SPECC1: variants seen among roughly 807,000 people sequenced by gnomAD.
SPECC1 encodes sperm antigen with calponin homology and coiled-coil domains 1.
SPECC1 carries 62 observed loss-of-function variants against 104.1 expected under a neutral mutation model. That is an observed-to-expected ratio of 0.60 (90% confidence interval 0.49 to 0.74). SPECC1 has a LOEUF of 0.74. SPECC1 is among the 30% of genes least tolerant of loss of function. The pLI is 0.00. For missense variants in SPECC1, 1,306 were observed against 1,310.5 expected (o/e 1.00, Z 0.05); for synonymous variants, 513 against 501.6 (o/e 1.02, Z -0.30).
At chr17:20,295,506 G>C (rs1019771017) in intron 12 of SPECC1, among the ~76,000 whole-genome samples, 1 of 152,100 alleles carries the variant, frequency 6.6e-6, no homozygotes, top group Admixed American at 6.6e-5. Flanking sequence ...TTATAGCAGC[G>C]TGATTTATAA....
chr17:20,313,993 G>A lies in SPECC1; in HGVS notation c.3135G>A (p.Leu1045=), dbSNP rs374356375. 2.5e-6 allele frequency: 4 copies of A among 1,614,068 alleles called. No homozygotes were observed. Among genetic ancestry groups the A allele is most frequent in the East Asian group, 4.5e-5 (2 of 44,892 alleles). ...CCCTGCAGGAACTCAGCGAGATGCT[G>A]TACACAGACCGGCCCGACTGGCAGA... is the stretch of plus-strand genomic sequence containing the variant. The part of the protein sequence containing the change: ...IKPSLELSEM[L]YTDRPDWQSV... Residue 1045 remains leucine (L), a synonymous_variant, in exon 15 of 15, where the codon CTG becomes CTA. Transcript: ENST00000395527.
At chr17:20,258,886 G>C (rs2039928745) in intron 11 of SPECC1, among the ~76,000 whole-genome samples, 1 of 152,186 alleles carries the variant, frequency 6.6e-6, no homozygotes. Flanking sequence ...GTGGAACACT[G>C]TTGCACAGTA....
At chr17:20,066,368 G>C (rs558270924) in intron 1 of SPECC1, among the ~76,000 whole-genome samples, 1 of 152,188 alleles carries the variant, frequency 6.6e-6, no homozygotes, top group East Asian at 1.9e-4. Context: ...TTTGATTTTT[G>C]GCTAGCATTT....
At chr17:20,046,548 T>G (rs1042834856) in intron 1 of SPECC1, among the ~76,000 whole-genome samples, 1 of 152,180 alleles carries the variant, frequency 6.6e-6, no homozygotes, top group Admixed American at 6.5e-5. Context: ...AACAATGTAA[T>G]AAATGAGTAA....
intron 9 of SPECC1, among the ~76,000 whole-genome samples, chr17:20,247,660 T>TA (rs1319101143): frequency 1.3e-5 from 2 of 152,236 alleles, no homozygotes; most frequent in African/African-American, 2.4e-5. Flanking sequence ...ATTCTTTTTA[T>TA]AAAAGATTAC....
chr17:20,203,805 G>A (rs1184334726), intron 3 of SPECC1, among the ~76,000 whole-genome samples: 1 of 152,204 alleles, frequency 6.6e-6, no homozygotes, highest in Admixed American at 6.5e-5. Flanking sequence ...GTGACTTATA[G>A]GAAGGGTATT....
intron 12 of SPECC1, among the ~76,000 whole-genome samples, chr17:20,293,529 G>C (rs2041241910): frequency 6.6e-6 from 1 of 152,240 alleles, no homozygotes; most frequent in African/African-American, 2.4e-5. Flanking sequence ...ACAGTGGTCA[G>C]TGTCCACCCT....
intron 1 of SPECC1, among the ~76,000 whole-genome samples, chr17:20,021,682 TAA>T (rs2044384280): frequency 7.2e-6 from 1 of 138,734 alleles, no homozygotes; most frequent in African/African-American, 2.7e-5. Context: ...TATAATATAA[TAA>T]TATATATATA....
chr17:20,309,951 G>A (rs2041883807), intron 14 of SPECC1, among the ~76,000 whole-genome samples: 1 of 151,564 alleles, frequency 6.6e-6, no homozygotes, highest in Admixed American at 6.6e-5. Flanking sequence ...CTGAGTAGCT[G>A]GGATTATAGG....
At chr17:20,018,959 A>G (rs2044260742) in intron 1 of SPECC1, among the ~76,000 whole-genome samples, 1 of 152,180 alleles carries the variant, frequency 6.6e-6, no homozygotes, top group Non-Finnish European at 1.5e-5. Context: ...TTCAGCATAA[A>G]CCACACAATA....
chr17:20,090,054 G>T lies in SPECC1; in HGVS notation c.-21-6577G>T, dbSNP rs540567429. Reference sequence around the variant, plus strand: ...CCAACAAGGAGAGGCATACGTATGAGACCGTCTCAGACTAGGAGAAGATTT... The same window carrying T: ...CCAACAAGGAGAGGCATACGTATGATACCGTCTCAGACTAGGAGAAGATTT... On this transcript the variant is annotated intron_variant, in intron 1 of 14. Transcript: ENST00000395527. 2.2e-4 allele frequency among the ~76,000 whole-genome samples: 33 copies of T among 152,344 alleles called. No homozygotes were observed. In the South Asian group the frequency reaches 2.3e-3, roughly 11 times the overall value.
At chr17:20,226,981 G>C (rs149547992) in intron 4 of SPECC1, among the ~76,000 whole-genome samples, 316 of 152,222 alleles carry the variant, frequency 2.1e-3, no homozygotes, top group Middle Eastern at 0.01. Context: ...ACACCAGGCA[G>C]CTCTCTTGGT....
At position 20,232,185 on chromosome 17, in the gene SPECC1, C is replaced by G; in HGVS notation, c.2146-15C>G. On this transcript the variant is annotated splice_polypyrimidine_tract_variant and intron_variant, in intron 6 of 14. Transcript: ENST00000395527. ...GGCAGGCGTCTGACATAAGGATGGG[C>G]TCTGACATTTTCAGGAGGAGACCGA... 2 of 1,613,538 alleles carry G rather than the reference C, an allele frequency of 1.2e-6. No individual in the cohort carries two copies. Among genetic ancestry groups the G allele is most frequent in the Non-Finnish European group, 1.7e-6 (2 of 1,179,968 alleles).
intron 12 of SPECC1, among the ~76,000 whole-genome samples, chr17:20,273,564 C>T (rs1229091624): frequency 1.3e-5 from 2 of 152,066 alleles, no homozygotes; most frequent in Non-Finnish European, 2.9e-5. Context: ...ATCACTCATG[C>T]CTCCACTGCT....
intron 3 of SPECC1, among the ~76,000 whole-genome samples, chr17:20,170,722 T>G (rs2034023693): frequency 1.1e-5 from 1 of 88,368 alleles, no homozygotes; most frequent in African/African-American, 7.8e-5. Flanking sequence ...AAAATTTTTC[T>G]TTTTTCTTTT....
chr17:20,281,757 G>A (rs1273942266), intron 12 of SPECC1, among the ~76,000 whole-genome samples: 1 of 152,322 alleles, frequency 6.6e-6, no homozygotes, highest in East Asian at 1.9e-4. Context: ...CAAGCAAGGA[G>A]GAAGAGTGGA....
chr17:20,181,211 T>C (rs529208347), intron 3 of SPECC1, among the ~76,000 whole-genome samples: 1 of 152,052 alleles, frequency 6.6e-6, no homozygotes, highest in East Asian at 1.9e-4. Context: ...CTTTTATTAG[T>C]ATAAGAAAAG....
intron 1 of SPECC1, among the ~76,000 whole-genome samples, chr17:20,036,386 T>C (rs1475691525): frequency 2.0e-5 from 3 of 152,146 alleles, no homozygotes; most frequent in Non-Finnish European, 4.4e-5. Flanking sequence ...CGCCTCAGCC[T>C]CCTAAAATGC....
rs544820068 is a variant in SPECC1, at chr17:20,307,710, G to A, written c.3117+1628G>A. Among the ~76,000 whole-genome samples the A allele has an allele frequency of 2.0e-5, 3 of 152,250 alleles. No individual in the cohort carries two copies. In the South Asian group the frequency reaches 6.2e-4, roughly 32 times the overall value. ...CAGGGACAAAAAAAATCAGACAATG[G>A]CCATGTCCCATGCCCAGAGGGAATT... On this transcript the variant is annotated intron_variant, in intron 14 of 14. Transcript: ENST00000395527.
Sources: gnomAD v4.1 joint callset for allele counts (sites outside exome capture counted in the v4.1 genomes callset) on GRCh38, gnomAD v4.1.1 for gene constraint, MANE v1.5 for transcripts, NCBI Gene and HGNC (gene_info 2026-07-23, HGNC 2026-07-21) for gene names.